TNRC6A: variants seen among roughly 807,000 people sequenced by gnomAD.
TNRC6A encodes the protein trinucleotide repeat containing adaptor 6A.
A neutral mutation model predicts 221.2 loss-of-function variants in TNRC6A; 44 were observed. The ratio of observed to expected loss-of-function variants is 0.20; its 90% CI spans 0.16 to 0.26. The LOEUF is 0.26. Ranked by LOEUF, TNRC6A falls within the 10% of genes least tolerant of loss-of-function variation. The pLI is 1.00. For synonymous variants in TNRC6A, 847 were observed against 838.5 expected, an observed-to-expected ratio of 1.01 and a Z score of -0.18; for missense variants, 2,199 against 2,404.4, an observed-to-expected ratio of 0.91 and a Z score of 1.79.
At chr16:24,682,191 G>A (rs12927275) in intron 2 of TNRC6A, among the ~76,000 whole-genome samples, 36,931 of 151,712 alleles carry the variant, frequency 0.24, 4,929 homozygotes, top group Non-Finnish European at 0.32. Context: ...GGAAAGAGAA[G>A]ACATGTTCAA....
At chr16:24,776,333 G>T in intron 4 of TNRC6A, 1 of 984,338 alleles carries the variant, frequency 1.0e-6, no homozygotes, top group African/African-American at 1.7e-5. Context: ...CATAGATAAC[G>T]TTATCTTTGT....
chr16:24,799,120 A>C (rs2058280338), intron 11 of TNRC6A, among the ~76,000 whole-genome samples: 1 of 152,212 alleles, frequency 6.6e-6, no homozygotes, highest in Admixed American at 6.5e-5. Flanking sequence ...TGTTGCTGGC[A>C]AAGCTGCTGT....
rs117836868 is a variant in TNRC6A at position 24,777,564 on chromosome 16, G to T, written c.589+206G>T. Among the ~76,000 whole-genome samples, 597 of 152,198 alleles carry T rather than the reference G, an allele frequency of 3.9e-3. 1 individual carries two copies. Among genetic ancestry groups the T allele is most frequent in the Non-Finnish European group, 5.8e-3 (397 of 68,014 alleles). On this transcript the variant is annotated intron_variant, in intron 5 of 24. Transcript: ENST00000395799. ...CTTTAAAATGATTATTTTAATTACTGATTCTCCCTTCAGGTTCTGCCCATT... is the reference window on the plus strand; with the variant it reads ...CTTTAAAATGATTATTTTAATTACTTATTCTCCCTTCAGGTTCTGCCCATT...
intron 2 of TNRC6A, among the ~76,000 whole-genome samples, chr16:24,681,269 C>T (rs544028817): frequency 7.2e-4 from 110 of 152,080 alleles, no homozygotes; most frequent in Non-Finnish European, 1.2e-3. Flanking sequence ...GCTTTGTTGC[C>T]CAGGCTGGAG....
chr16:24,773,416 G>A (rs1327812387), intron 4 of TNRC6A, among the ~76,000 whole-genome samples: 1 of 152,038 alleles, frequency 6.6e-6, no homozygotes, highest in African/African-American at 2.4e-5. Context: ...ATTTTTATTT[G>A]CTAGTTTTAT....
chr16:24,771,393 C>CA (rs767592020), intron 4 of TNRC6A, among the ~76,000 whole-genome samples: 42 of 152,070 alleles, frequency 2.8e-4, no homozygotes, highest in Non-Finnish European at 5.0e-4. Context: ...GATTTGAATC[C>CA]ATCCAGTCTT....
intron 6 of TNRC6A, chr16:24,793,241 G>C: frequency 3.1e-6 from 1 of 318,166 alleles, no homozygotes; most frequent in Non-Finnish European, 5.7e-6. Context: ...TCTAGGTCTA[G>C]AGGGTAATTA....
At chr16:24,692,798 A>G (rs2055782435) in intron 2 of TNRC6A, among the ~76,000 whole-genome samples, 1 of 151,968 alleles carries the variant, frequency 6.6e-6, no homozygotes, top group Non-Finnish European at 1.5e-5. Flanking sequence ...TTTACACAAG[A>G]GGCAGTCAAT....
rs1290949159 is a variant in TNRC6A at position 24,805,179 on chromosome 16, G to A, written c.4122+28G>A. The stretch of plus-strand genomic sequence containing the variant: ...AAATAAGCTTTCCTTACATTCTCCT[G>A]TTTACCTGCAAAAAGGATCTTGCAT... On this transcript the variant is annotated intron_variant, in intron 14 of 24. Coordinates refer to ENST00000395799, the MANE Select transcript of TNRC6A (RefSeq NM_014494.4). 3 of 1,608,792 alleles carry A rather than the reference G, an allele frequency of 1.9e-6. No individual in the cohort carries two copies. In the East Asian group the frequency reaches 6.7e-5, roughly 36 times the overall value.
upstream of TNRC6A, among the ~76,000 whole-genome samples, chr16:24,729,391 A>G (rs1260811591): frequency 8.1e-6 from 1 of 123,144 alleles, no homozygotes; most frequent in Non-Finnish European, 1.6e-5. Flanking sequence ...AAGGAGGAGG[A>G]GGGGAGGGAC....
In TNRC6A at chr16:24,717,676, T is replaced by C. The variant is rs181097721; in HGVS notation, n.403-33050T>C. 2.6e-5 allele frequency among the ~76,000 whole-genome samples: 4 copies of C among 152,136 alleles called. No homozygotes were observed. In the East Asian group the frequency reaches 5.8e-4, roughly 22 times the overall value. On this transcript the variant is annotated intron_variant and non_coding_transcript_variant, in intron 2 of 2. Coordinates refer to the TNRC6A transcript ENST00000566108. Reference sequence around the variant, plus strand: ...CCAATTCTTGCTGACAGTCATGATATTAACAAACAGGGTAAGAAACTGGAG... The same window carrying C: ...CCAATTCTTGCTGACAGTCATGATACTAACAAACAGGGTAAGAAACTGGAG...
At chr16:24,755,211 A>T (rs982427339) in intron 3 of TNRC6A, among the ~76,000 whole-genome samples, 2 of 152,242 alleles carry the variant, frequency 1.3e-5, no homozygotes, top group Admixed American at 1.3e-4. Flanking sequence ...TAGGTGTCTC[A>T]TTTAAAATCA....
At chr16:24,729,395 GAGGGACTCCCCTCCTCGGTC>G (rs1251123046), upstream of TNRC6A, among the ~76,000 whole-genome samples, 1 of 149,232 alleles carries the variant, frequency 6.7e-6, no homozygotes, top group Non-Finnish European at 1.5e-5. Flanking sequence ...AGGAGGAGGG[GAGGGACTCCCCTCCTCGGTC>G]AGACCGGAGC....
chr16:24,675,694 CTCTCTCTCTATATATATATA>C (rs1270772164), intron 2 of TNRC6A, among the ~76,000 whole-genome samples: 3 of 81,130 alleles, frequency 3.7e-5, no homozygotes, highest in East Asian at 3.2e-4. Flanking sequence ...CTCTCTCTCT[CTCTCTCTCTATATATATATA>C]TATATATATA....
At chr16:24,743,545 G>A (rs879642623) in intron 2 of TNRC6A, among the ~76,000 whole-genome samples, 22 of 121,372 alleles carry the variant, frequency 1.8e-4, no homozygotes, top group Non-Finnish European at 3.3e-4. Flanking sequence ...GGCTGGTCTC[G>A]AACTCCTGGG....
intron 2 of TNRC6A, among the ~76,000 whole-genome samples, chr16:24,681,588 G>A (rs923917728): frequency 7.9e-5 from 12 of 152,056 alleles, no homozygotes; most frequent in Non-Finnish European, 1.3e-4. Flanking sequence ...CATTCATAGT[G>A]AGCTACTAAT....
intron 2 of TNRC6A, among the ~76,000 whole-genome samples, chr16:24,684,838 T>A (rs2055596550): frequency 6.6e-6 from 1 of 152,108 alleles, no homozygotes; most frequent in Non-Finnish European, 1.5e-5. Flanking sequence ...CATTTTTAGT[T>A]CAAGGCCCAC....
Position 24,757,612 on chromosome 16 carries a change from C to A in TNRC6A, c.142-727C>A, listed in dbSNP as rs553977769. Reference sequence around the variant, plus strand: ...CCTTGGGAGTTTGAGCTAGTCACCTCGAGTTAACCCTGCTGTCCTCAAGCC... The same window carrying A: ...CCTTGGGAGTTTGAGCTAGTCACCTAGAGTTAACCCTGCTGTCCTCAAGCC... On this transcript the variant is annotated intron_variant, in intron 3 of 24. Coordinates refer to ENST00000395799, the MANE Select transcript of TNRC6A (RefSeq NM_014494.4). Among the ~76,000 whole-genome samples the A allele has an allele frequency of 4.9e-4, 75 of 152,222 alleles. No homozygotes were observed. The South Asian group carries it at 0.011, about 22-fold the overall frequency.
chr16:24,651,328 TG>T (rs1902635329), intron 2 of TNRC6A, among the ~76,000 whole-genome samples: 1 of 150,086 alleles, frequency 6.7e-6, no homozygotes, highest in Non-Finnish European at 1.5e-5. Context: ...CACCTGAGGT[TG>T]GGAGTTCGAG....
Sources: gnomAD v4.1 joint callset for allele counts (sites outside exome capture counted in the v4.1 genomes callset) on GRCh38, gnomAD v4.1.1 for gene constraint, MANE v1.5 for transcripts, NCBI Gene and HGNC (gene_info 2026-07-23, HGNC 2026-07-21) for gene names.